The following SOD2 variants were observed in gnomAD, a reference collection of about 807,000 sequenced individuals.
SOD2 encodes superoxide dismutase 2, also known as superoxide dismutase [Mn], mitochondrial.
In SOD2, 11 loss-of-function variants were observed where a neutral mutation model predicts 27.0. The observed-to-expected ratio is 0.41, with a 90% CI of 0.26 to 0.67. The LOEUF (loss-of-function observed/expected upper bound fraction) is 0.67. Among genes scored for constraint, SOD2 ranks in the 30% least tolerant of loss-of-function variants. The pLI, the probability that SOD2 is intolerant of heterozygous loss-of-function variation, is 0.34. For missense variants in SOD2, 250 were observed against 274.5 expected (o/e 0.91, Z 0.63); for synonymous variants, 105 against 103.0 (o/e 1.02, Z -0.12).
At chr6:159,690,709 T>A (rs1012877668) in intron 2 of SOD2, among the ~76,000 whole-genome samples, 1 of 152,148 alleles carries the variant, frequency 6.6e-6, no homozygotes, top group Non-Finnish European at 1.5e-5. Flanking sequence ...TTTTAATAAA[T>A]CAATAGTAAC....
At chr6:159,755,321 G>A (rs1779960999) in intron 1 of SOD2, 2 of 1,614,264 alleles carry the variant, frequency 1.2e-6, no homozygotes, top group Non-Finnish European at 1.7e-6. Context: ...CACAACCGAA[G>A]ATGACTTTCC....
In SOD2 at chr6:159,712,530, G is replaced by A. The variant is rs111364401; in HGVS notation, c.-116+14599C>T. 3.0e-3 allele frequency among the ~76,000 whole-genome samples: 368 copies of A among 121,308 alleles called. 1 individual carries two copies. The highest frequency in any genetic ancestry group is 5.4e-3 in the African/African-American group (163 of 30,362). 79.6% of individuals were successfully genotyped at this position (121,308 alleles called of 152,430 possible). ...CACCTCCATAACCACCACTCACACT[G>A]CTCTGATCACCATAACCACCTCCAT... On this transcript the variant is annotated intron_variant, in intron 1 of 2. Coordinates refer to the SOD2 transcript ENST00000401980.
intron 1 of SOD2, chr6:159,755,118 G>A (rs772493987): frequency 9.9e-6 from 16 of 1,614,168 alleles, no homozygotes; most frequent in Non-Finnish European, 1.3e-5. Context: ...AAGGAGACAC[G>A]CCAGCAGTTG....
intron 1 of SOD2, among the ~76,000 whole-genome samples, chr6:159,699,038 G>C (rs1034072202): frequency 6.6e-6 from 1 of 151,986 alleles, no homozygotes; most frequent in Non-Finnish European, 1.5e-5. Flanking sequence ...TGTTAAACCT[G>C]TGTAGCTCCG....
At chr6:159,715,354 G>C (rs969785113) in intron 1 of SOD2, among the ~76,000 whole-genome samples, 12 of 152,104 alleles carry the variant, frequency 7.9e-5, no homozygotes, top group Non-Finnish European at 8.8e-5. Flanking sequence ...GTCAACAGTA[G>C]AACCATTGCT....
chr6:159,737,634 A>G (rs1779002210), intron 1 of SOD2, among the ~76,000 whole-genome samples: 1 of 151,884 alleles, frequency 6.6e-6, no homozygotes, highest in South Asian at 2.1e-4. Context: ...CTCAGACTAC[A>G]GGTGTGCCAC....
intron 1 of SOD2, among the ~76,000 whole-genome samples, chr6:159,752,895 G>C (rs748737962): frequency 1.3e-5 from 2 of 152,156 alleles, no homozygotes; most frequent in Non-Finnish European, 2.9e-5. Context: ...ATGTGTGCCT[G>C]GCTACTTTTT....
At chr6:159,692,595 T>C (rs758237977) in intron 2 of SOD2, 66 bp downstream of exon 2, 12 of 1,598,950 alleles carry the variant, frequency 7.5e-6, no homozygotes, top group Non-Finnish European at 9.4e-6. Context: ...CCCGTCCGTA[T>C]GGGGCCTGGC....
intron 1 of SOD2, among the ~76,000 whole-genome samples, chr6:159,704,905 C>G (rs1777593538): frequency 6.6e-6 from 1 of 152,166 alleles, no homozygotes; most frequent in South Asian, 2.1e-4. Flanking sequence ...CTCACATGGC[C>G]AGGTACCCCT....
chr6:159,742,312 GAC>G (rs1481520418), intron 1 of SOD2, among the ~76,000 whole-genome samples: 3 of 152,156 alleles, frequency 2.0e-5, no homozygotes, highest in Non-Finnish European at 4.4e-5. Flanking sequence ...AGATGAATGA[GAC>G]ACAGTCTCAG....
At chr6:159,697,133 C>T (rs1466297843), upstream of SOD2, among the ~76,000 whole-genome samples, 1 of 151,664 alleles carries the variant, frequency 6.6e-6, no homozygotes, top group Non-Finnish European at 1.5e-5. Context: ...TCTGTACCTA[C>T]AGGAGAAAAT....
At chr6:159,692,969 C>G (rs1777303953) in intron 1 of SOD2, 106 bp from the exon 2 acceptor site, 16 of 1,349,280 alleles carry the variant, frequency 1.2e-5, no homozygotes, top group African/African-American at 1.5e-5. Context: ...GTCCCCGCGT[C>G]CCCTCCCTGC....
chr6:159,732,886 A>ATAGTGTGTGTGTGTGTGTGTGTGTGTGT (rs146623701), intron 1 of SOD2, among the ~76,000 whole-genome samples: 1 of 146,380 alleles, frequency 6.8e-6, no homozygotes, highest in African/African-American at 2.6e-5. Context: ...ATATATATAT[A>ATAGTGTGTGTGTGTGTGTGTGTGTGTGT]GTGTGTGTGT....
At chr6:159,750,904 G>T (rs372629887) in intron 1 of SOD2, among the ~76,000 whole-genome samples, 1 of 152,364 alleles carries the variant, frequency 6.6e-6, no homozygotes. Flanking sequence ...GCACGCGCAC[G>T]CACGTGTGTG....
At chr6:159,743,768 G>A (rs1779399886) in intron 1 of SOD2, 1 of 1,612,348 alleles carries the variant, frequency 6.2e-7, no homozygotes, top group South Asian at 1.1e-5. Flanking sequence ...TAGCAACCAA[G>A]GAACAAGAGA....
intron 1 of SOD2, among the ~76,000 whole-genome samples, chr6:159,703,182 C>T (rs776178758): frequency 7.9e-5 from 12 of 151,954 alleles, no homozygotes; most frequent in South Asian, 2.1e-4. Context: ...GGCGTGGTGG[C>T]GCATGCCTGT....
At chr6:159,692,899 C>T (rs1422938110) in intron 1 of SOD2, 36 bp from the exon 2 acceptor site, 12 of 1,526,958 alleles carry the variant, frequency 7.9e-6, no homozygotes, top group Non-Finnish European at 8.8e-6. Flanking sequence ...TCAGTCAGCG[C>T]CGCGGGACCG....
intron 1 of SOD2, among the ~76,000 whole-genome samples, chr6:159,714,730 C>G (rs1322382058): frequency 6.6e-6 from 1 of 152,172 alleles, no homozygotes; most frequent in Non-Finnish European, 1.5e-5. Context: ...TCATCAGAAG[C>G]CTTTGCTTGA....
chr6:159,746,445 G>C (rs1017904144), upstream of SOD2, among the ~76,000 whole-genome samples: 8 of 152,218 alleles, frequency 5.3e-5, no homozygotes, highest in Middle Eastern at 3.4e-3. Flanking sequence ...GCTAAGCTTA[G>C]AAAAAATAAA....
Sources: allele counts gnomAD v4.1 joint callset (sites outside exome capture counted in the v4.1 genomes callset), GRCh38; gene constraint gnomAD v4.1.1; transcripts MANE v1.5; gene names NCBI Gene and HGNC (gene_info 2026-07-23, HGNC 2026-07-21).